The following CDKL5 variants were observed in gnomAD, a reference collection of about 807,000 sequenced individuals.
CDKL5 encodes the protein cyclin-dependent kinase-like 5.
A neutral mutation model predicts 61.7 loss-of-function variants in CDKL5; 8 were observed. The observed-to-expected ratio is 0.13, with a 90% confidence interval of 0.08 to 0.23. The LOEUF (loss-of-function observed/expected upper bound fraction) is 0.23, where lower values mean the gene tolerates loss of function less well. CDKL5 is among the 10% of genes least tolerant of loss of function. The pLI is 1.00. For synonymous variants in CDKL5, 275 were observed against 272.3 expected, an observed-to-expected ratio of 1.01 and a Z score of -0.10; for missense variants, 440 against 734.5, an observed-to-expected ratio of 0.60 and a Z score of 4.63.
chrX:18,509,923 G>A (rs1272338533), intron 2 of CDKL5, among the ~76,000 whole-genome samples: 2 of 108,780 alleles, frequency 1.8e-5, no homozygotes, highest in African/African-American at 6.7e-5. Flanking sequence ...AGGCTGAGGT[G>A]GGAGGATTGC....
intron 3 of CDKL5, among the ~76,000 whole-genome samples, chrX:18,529,703 A>T (rs1602243312): frequency 9.0e-6 from 1 of 110,949 alleles, no homozygotes; most frequent in East Asian, 2.8e-4. Context: ...ATGGTTTCTG[A>T]CAGGACATCA....
At chrX:18,626,136 G>A (rs1433596436) in intron 17 of CDKL5, among the ~76,000 whole-genome samples, 1 of 105,630 alleles carries the variant, frequency 9.5e-6, no homozygotes, top group Admixed American at 1.0e-4. Flanking sequence ...GCACAAACTC[G>A]GTTCACTGCA....
downstream of CDKL5, among the ~76,000 whole-genome samples, chrX:18,645,031 A>G (rs1927721811): frequency 9.0e-6 from 1 of 111,347 alleles, no homozygotes. Flanking sequence ...CTCTCTTCAC[A>G]CCTATTTGTG....
chrX:18,644,306 C>T (rs533095332), downstream of CDKL5: 40 of 621,313 alleles, frequency 6.4e-5, no homozygotes, highest in African/African-American at 3.5e-4. Flanking sequence ...TGGGGGAAAG[C>T]GCAGATGATC....
rs749915954 is a variant in CDKL5, at chrX:18,450,860, C to A, written c.-163+25165C>A. 1.1e-4 allele frequency among the ~76,000 whole-genome samples: 12 copies of A among 110,230 alleles called. No homozygotes were observed. In the East Asian group the frequency reaches 3.4e-3, roughly 31 times the overall value. ...AAAGTGCTGGGATTACAGGTGTGAG[C>A]CACTGTGCCCGGCCTTTTTTTTTTT... is the stretch of plus-strand genomic sequence containing the variant. On this transcript the variant is annotated intron_variant, in intron 1 of 17. Transcript: ENST00000623535.
At chrX:18,584,914 A>G (rs1380237296) in intron 8 of CDKL5, among the ~76,000 whole-genome samples, 3 of 112,367 alleles carry the variant, frequency 2.7e-5, no homozygotes, top group Non-Finnish European at 5.6e-5. Flanking sequence ...GCCATATTAT[A>G]AAATGGTATA....
At chrX:18,498,408 A>T (rs1364970967) in intron 1 of CDKL5, among the ~76,000 whole-genome samples, 1 of 111,720 alleles carries the variant, frequency 9.0e-6, no homozygotes, top group Non-Finnish European at 1.9e-5. Context: ...TGATCTTTTT[A>T]TTACTTGTGT....
At chrX:18,645,564 G>C (rs1927738584) in intron 19 of CDKL5, among the ~76,000 whole-genome samples, 1 of 109,189 alleles carries the variant, frequency 9.2e-6, no homozygotes, top group Non-Finnish European at 1.9e-5. Flanking sequence ...CTATCTATTG[G>C]CTCCATCTCC....
Position 18,634,249 on chromosome X carries a change from A to G in CDKL5, c.*5492A>G, listed in dbSNP as rs927902922. 44 of 751,713 alleles carry G rather than the reference A, an allele frequency of 5.9e-5. No individual in the cohort carries two copies. The highest frequency in any genetic ancestry group is 9.3e-5 in the African/African-American group (4 of 43,057). The allele number at this position is 751,713 out of a possible 1,213,427, so 61.9% of individuals were successfully genotyped here. ...ATCCCCCCTGTTTTGACAGACTGCT[A>G]AGAATTCCTCAGGACTTCCTTTGGT... On this transcript the variant is annotated 3_prime_UTR_variant, in exon 18 of 18. Coordinates refer to ENST00000623535, the MANE Select transcript of CDKL5 (RefSeq NM_001323289.2).
intron 3 of CDKL5, among the ~76,000 whole-genome samples, chrX:18,540,193 A>G (rs1923971019): frequency 9.1e-6 from 1 of 110,391 alleles, no homozygotes; most frequent in Non-Finnish European, 1.9e-5. Context: ...TGTTTGAGAC[A>G]GGGTCTCATT....
At chrX:18,530,766 G>A (rs984865449) in intron 3 of CDKL5, among the ~76,000 whole-genome samples, 1 of 111,616 alleles carries the variant, frequency 9.0e-6, no homozygotes, top group African/African-American at 3.3e-5. Context: ...TTAGGCAATA[G>A]GAACTGAATA....
intron 1 of CDKL5, among the ~76,000 whole-genome samples, chrX:18,444,999 G>T (rs191031158): frequency 3.0e-4 from 33 of 111,052 alleles, no homozygotes; most frequent in African/African-American, 1.0e-3. Context: ...TGGGTCTCCA[G>T]CACCTGGAAA....
At chrX:18,451,594 A>G (rs1033995486) in intron 1 of CDKL5, among the ~76,000 whole-genome samples, 12 of 111,924 alleles carry the variant, frequency 1.1e-4, no homozygotes, top group African/African-American at 3.9e-4. Flanking sequence ...GCTAGAGTGC[A>G]GTGGCATGAT....
intron 3 of CDKL5, among the ~76,000 whole-genome samples, chrX:18,542,393 G>A (rs1288497391): frequency 1.8e-5 from 2 of 111,966 alleles, no homozygotes; most frequent in African/African-American, 3.3e-5. Context: ...TTTTGTGGCT[G>A]GGGTAGAGTA....
chrX:18,555,566 C>T (rs2147125742), intron 3 of CDKL5, among the ~76,000 whole-genome samples: 1 of 111,718 alleles, frequency 9.0e-6, no homozygotes, highest in Non-Finnish European at 1.9e-5. Flanking sequence ...AGCAAATAAG[C>T]CAAAATATTA....
At chrX:18,650,328 T>C in intron 20 of CDKL5, 1 of 951,173 alleles carries the variant, frequency 1.1e-6, no homozygotes, top group Non-Finnish European at 1.5e-6. Flanking sequence ...CACTGTCACC[T>C]TGGCTTCAGC....
chrX:18,616,858 C>T (rs896678276), intron 15 of CDKL5, among the ~76,000 whole-genome samples: 1 of 110,826 alleles, frequency 9.0e-6, no homozygotes, highest in Admixed American at 9.6e-5. Context: ...GAGAAAGTGT[C>T]ACAGAGTAAT....
rs371080589 is a variant in CDKL5, at chrX:18,590,068, T to G, written c.744+1925T>G. 7.1e-5 allele frequency among the ~76,000 whole-genome samples: 8 copies of G among 111,892 alleles called. No homozygotes were observed. In the East Asian group the frequency reaches 2.0e-3, roughly 27 times the overall value. On this transcript the variant is annotated intron_variant, in intron 9 of 17. Transcript: ENST00000623535. ...TGTCAGATGGGTAGATTGCAAAAATTTTCTCCCATTCTGTAGGTTGCCTGT... is the reference window on the plus strand; with the variant it reads ...TGTCAGATGGGTAGATTGCAAAAATGTTCTCCCATTCTGTAGGTTGCCTGT...
chrX:18,501,890 GTCT>G (rs1285269011), intron 1 of CDKL5, among the ~76,000 whole-genome samples: 3 of 112,440 alleles, frequency 2.7e-5, no homozygotes. Context: ...AACTTTTTGG[GTCT>G]TCTTAGTGAG....
Sources: allele counts gnomAD v4.1 joint callset (sites outside exome capture counted in the v4.1 genomes callset), GRCh38; gene constraint gnomAD v4.1.1; transcripts MANE v1.5; gene names NCBI Gene and HGNC (gene_info 2026-07-23, HGNC 2026-07-21).